TSG101: variants seen among roughly 807,000 people sequenced by gnomAD.
TSG101 encodes tumor susceptibility gene 101 protein.
Under a neutral mutation model 48.5 loss-of-function variants are expected in TSG101, and 19 were observed. The ratio of observed to expected loss-of-function variants is 0.39; its 90% CI spans 0.27 to 0.58. The LOEUF (loss-of-function observed/expected upper bound fraction) is 0.58. TSG101 is among the 20% of genes least tolerant of loss of function. The pLI is 0.55. For missense variants in TSG101, 365 were observed against 484.4 expected, an observed-to-expected ratio of 0.75 and a Z score of 2.31; for synonymous variants, 174 against 169.4, an observed-to-expected ratio of 1.03 and a Z score of -0.21.
intron 7 of TSG101, among the ~76,000 whole-genome samples, chr11:18,488,597 C>T (rs945494772): frequency 3.3e-5 from 5 of 152,070 alleles, no homozygotes; most frequent in Non-Finnish European, 4.4e-5. Flanking sequence ...AGAGCAACAC[C>T]GTGTTGAGAA....
intron 7 of TSG101, among the ~76,000 whole-genome samples, chr11:18,501,121 A>G (rs1379497210): frequency 6.6e-6 from 1 of 152,156 alleles, no homozygotes; most frequent in African/African-American, 2.4e-5. Context: ...AAGCTTTTTA[A>G]TTTAGTATCA....
intron 1 of TSG101, among the ~76,000 whole-genome samples, chr11:18,524,078 C>T (rs566822832): frequency 1.3e-5 from 2 of 152,350 alleles, no homozygotes; most frequent in South Asian, 2.1e-4. Flanking sequence ...AGGCATGAGC[C>T]ACCACACCAG....
In TSG101 at chr11:18,484,016, CAG is replaced by C; in HGVS notation, c.695_696del (p.Ser232CysfsTer4). 1 of 1,614,204 alleles carries C rather than the reference CAG, an allele frequency of 6.2e-7. No individual in the cohort carries two copies. Among genetic ancestry groups the C allele is most frequent in the Non-Finnish European group, 8.5e-7 (1 of 1,180,046 alleles). Reference protein sequence around the residue: ...SEDTIRASLISAVSDKLRWRM... With the variant: ...SEDTIRASLIXAVSDKLRWRM... Reference sequence around the variant, plus strand: ...CGCCATCTCAGTTTGTCACTGACCGCAGAGATGAGAGAGGCTCGGATGGTGTC... The same window carrying C: ...CGCCATCTCAGTTTGTCACTGACCGCAGATGAGAGAGGCTCGGATGGTGTC... On this transcript the variant is annotated frameshift_variant, in exon 8 of 10. Transcript: ENST00000251968. LOFTEE classifies it high-confidence loss of function.
chr11:18,486,119 C>T lies in TSG101; in HGVS notation c.641-2047G>A, dbSNP rs549265894. ...ACTTTCCCACCTTTGGGTAGGGGAA[C>T]CACCCCTGCATCCCCTCTCCAGTGA... On this transcript the variant is annotated intron_variant, in intron 7 of 9. Transcript: ENST00000251968. 4.6e-5 allele frequency among the ~76,000 whole-genome samples: 7 copies of T among 152,366 alleles called. No individual in the cohort carries two copies. The South Asian group carries it at 1.4e-3, about 32-fold the overall frequency.
At chr11:18,524,249 A>G (rs1361802273) in intron 1 of TSG101, among the ~76,000 whole-genome samples, 1 of 152,248 alleles carries the variant, frequency 6.6e-6, no homozygotes, top group Non-Finnish European at 1.5e-5. Context: ...ATATCTGTTA[A>G]TTGCAAAAAT....
At position 18,484,025 on chromosome 11, in the gene TSG101, G is replaced by C; in HGVS notation, c.688C>G (p.Leu230Val). 6.2e-7 allele frequency: 1 copy of C among 1,614,180 alleles called. No individual in the cohort carries two copies. Among genetic ancestry groups the C allele is most frequent in the Non-Finnish European group, 8.5e-7 (1 of 1,180,042 alleles). Reference sequence around the variant, plus strand: ...AGTTTGTCACTGACCGCAGAGATGAGAGAGGCTCGGATGGTGTCCTCGCTG... The same window carrying C: ...AGTTTGTCACTGACCGCAGAGATGACAGAGGCTCGGATGGTGTCCTCGCTG... ...TISEDTIRAS[L>V]ISAVSDKLRW... Residue 230 changes from leucine to valine, a missense_variant, in exon 8 of 10, where the codon CTC (leucine) becomes GTC (valine). Transcript: ENST00000251968.
At chr11:18,500,065 C>G (rs1590278022) in intron 7 of TSG101, among the ~76,000 whole-genome samples, 1 of 152,262 alleles carries the variant, frequency 6.6e-6, no homozygotes, top group Non-Finnish European at 1.5e-5. Context: ...TCCAAGAGAT[C>G]AAGTTTTTTG....
intron 1 of TSG101, among the ~76,000 whole-genome samples, chr11:18,521,879 T>C (rs1486405101): frequency 1.3e-5 from 2 of 152,048 alleles, no homozygotes; most frequent in Admixed American, 6.6e-5. Context: ...GATTTTAGCA[T>C]GTTGCCCAGG....
intron 4 of TSG101, among the ~76,000 whole-genome samples, chr11:18,513,390 G>C (rs953700951): frequency 1.3e-5 from 2 of 152,022 alleles, no homozygotes; most frequent in Admixed American, 1.3e-4. Flanking sequence ...CGAATTCCCA[G>C]GCTCAAGTGA....
chr11:18,507,929 A>G (rs960685437), intron 5 of TSG101: 2 of 152,040 alleles, frequency 1.3e-5, no homozygotes, highest in Middle Eastern at 3.1e-3. Context: ...CCCCGACTCT[A>G]CTAAAAATAC....
At chr11:18,511,381 CAATT>C (rs1565092361) in intron 4 of TSG101, 1 of 152,212 alleles carries the variant, frequency 6.6e-6, no homozygotes, top group South Asian at 2.1e-4. Context: ...TGGAAGATGA[CAATT>C]AATAACATTT....
intron 4 of TSG101, among the ~76,000 whole-genome samples, chr11:18,513,033 G>A (rs1850115491): frequency 6.6e-6 from 1 of 151,784 alleles, no homozygotes; most frequent in African/African-American, 2.4e-5. Context: ...CAGCCTCAAG[G>A]ACAGATTTTT....
chr11:18,489,307 G>A (rs1849665950), intron 7 of TSG101, among the ~76,000 whole-genome samples: 1 of 151,824 alleles, frequency 6.6e-6, no homozygotes, highest in African/African-American at 2.4e-5. Flanking sequence ...CAACCACAGG[G>A]CACTGCAGCC....
chr11:18,483,851 T>C lies in TSG101; in HGVS notation c.843+19A>G. ...TACAATTCAATCCAAAAATTTTAAG[T>C]CTTTAATGAGTCACTTACTACTTCT... On this transcript the variant is annotated intron_variant, in intron 8 of 9. Transcript: ENST00000251968. 6.2e-7 allele frequency: 1 copy of C among 1,613,164 alleles called. No homozygotes were observed. Among genetic ancestry groups the C allele is most frequent in the Non-Finnish European group, 8.5e-7 (1 of 1,179,762 alleles).
rs145828306 is a variant in TSG101 at position 18,518,876 on chromosome 11, G to C, written c.127+643C>G. ...CATAAGTTGCTCAAGCTTAACTATAGAATTCTGCCTCTACCCCTGTTCCCA... is the reference window on the plus strand; with the variant it reads ...CATAAGTTGCTCAAGCTTAACTATACAATTCTGCCTCTACCCCTGTTCCCA... On this transcript the variant is annotated intron_variant, in intron 2 of 9. Transcript: ENST00000251968. Among the ~76,000 whole-genome samples, 50 of 152,190 alleles carry C rather than the reference G, an allele frequency of 3.3e-4. No homozygotes were observed. In the East Asian group the frequency reaches 6.4e-3, roughly 19 times the overall value.
At chr11:18,520,309 G>A (rs1382932576) in intron 1 of TSG101, among the ~76,000 whole-genome samples, 1 of 152,058 alleles carries the variant, frequency 6.6e-6, no homozygotes, top group African/African-American at 2.4e-5. Context: ...CTGTAACCTC[G>A]AACTCCTGGG....
At chr11:18,513,261 A>C (rs867651967) in intron 4 of TSG101, among the ~76,000 whole-genome samples, 1 of 151,874 alleles carries the variant, frequency 6.6e-6, no homozygotes, top group Admixed American at 6.6e-5. Context: ...GGAATTCAAC[A>C]TATCTCTTAA....
intron 2 of TSG101, among the ~76,000 whole-genome samples, chr11:18,519,088 C>T (rs1850226527): frequency 6.6e-6 from 1 of 152,078 alleles, no homozygotes; most frequent in Non-Finnish European, 1.5e-5. Context: ...GCAACCTCTG[C>T]CTCCTGGACT....
intron 5 of TSG101, among the ~76,000 whole-genome samples, chr11:18,508,093 C>T: frequency 7.6e-6 from 1 of 131,694 alleles, no homozygotes; most frequent in East Asian, 2.1e-4. Context: ...GACTCTGTCT[C>T]AAAAAAAAAA....
Sources: gnomAD v4.1 joint callset for allele counts (sites outside exome capture counted in the v4.1 genomes callset) on GRCh38, gnomAD v4.1.1 for gene constraint, MANE v1.5 for transcripts, NCBI Gene and HGNC (gene_info 2026-07-23, HGNC 2026-07-21) for gene names.